The following GRM1 variants were observed in gnomAD, a reference collection of about 807,000 sequenced individuals.
GRM1 encodes the protein glutamate metabotropic receptor 1.
A neutral mutation model predicts 90.9 loss-of-function variants in GRM1; 33 were observed. That is an observed-to-expected ratio of 0.36 (90% CI 0.28 to 0.49). The LOEUF is 0.49. Among genes scored for constraint, GRM1 ranks in the 20% least tolerant of loss-of-function variants. The probability of loss-of-function intolerance (pLI) is 0.99; values close to 1 mark genes in which losing one functional copy is unlikely to be tolerated. For synonymous variants in GRM1, 700 were observed against 613.2 expected (o/e 1.14, Z -2.09); for missense variants, 1,190 against 1,534.3 (o/e 0.78, Z 3.75).
intron 1 of GRM1, among the ~76,000 whole-genome samples, chr6:146,127,999 G>T (rs1199540945): frequency 6.6e-6 from 1 of 152,130 alleles, no homozygotes; most frequent in Non-Finnish European, 1.5e-5. Context: ...GTTGACACTG[G>T]CCATCTGCTG....
intron 3 of GRM1, among the ~76,000 whole-genome samples, chr6:146,319,789 G>A (rs1313680287): frequency 6.6e-6 from 1 of 152,136 alleles, no homozygotes; most frequent in Non-Finnish European, 1.5e-5. Flanking sequence ...GTATAGTAAT[G>A]CTTGTGATTT....
intron 1 of GRM1, among the ~76,000 whole-genome samples, chr6:146,149,063 C>A (rs1777219236): frequency 6.6e-6 from 1 of 152,104 alleles, no homozygotes; most frequent in South Asian, 2.1e-4. Context: ...ACTTCTTTCT[C>A]CATTTCATAA....
At chr6:146,206,670 G>T (rs1274022993) in intron 2 of GRM1, among the ~76,000 whole-genome samples, 1 of 151,370 alleles carries the variant, frequency 6.6e-6, no homozygotes, top group Non-Finnish European at 1.5e-5. Flanking sequence ...TACATATGAA[G>T]GTTTGTTACA....
chr6:146,253,106 A>T (rs1781357058), intron 2 of GRM1, among the ~76,000 whole-genome samples: 1 of 152,162 alleles, frequency 6.6e-6, no homozygotes, highest in Non-Finnish European at 1.5e-5. Flanking sequence ...AAATATTAGA[A>T]TTTATTATTT....
intron 3 of GRM1, among the ~76,000 whole-genome samples, chr6:146,322,082 G>C (rs1046346196): frequency 1.3e-5 from 2 of 152,062 alleles, no homozygotes; most frequent in Non-Finnish European, 2.9e-5. Flanking sequence ...TGTGGTTTTG[G>C]TGTGGATGTT....
chr6:146,417,263 A>G (rs1018957845), intron 7 of GRM1, among the ~76,000 whole-genome samples: 1 of 152,106 alleles, frequency 6.6e-6, no homozygotes. Flanking sequence ...CAGCTTCTCA[A>G]TATCTTCCAG....
intron 3 of GRM1, among the ~76,000 whole-genome samples, chr6:146,306,241 C>A (rs1419901545): frequency 6.6e-6 from 1 of 152,226 alleles, no homozygotes; most frequent in Admixed American, 6.5e-5. Context: ...TTTCTACTTT[C>A]TCTGAAATAA....
chr6:146,382,904 C>A (rs964781231), intron 5 of GRM1, among the ~76,000 whole-genome samples: 6 of 152,064 alleles, frequency 3.9e-5, no homozygotes, highest in Non-Finnish European at 5.9e-5. Flanking sequence ...TTTGGATGAT[C>A]TTGGCAGCTG....
intron 7 of GRM1, among the ~76,000 whole-genome samples, chr6:146,428,651 G>A (rs374314507): frequency 6.6e-6 from 1 of 152,124 alleles, no homozygotes; most frequent in Non-Finnish European, 1.5e-5. Context: ...CGTAATTTAA[G>A]TTCATCTATA....
At chr6:146,392,058 C>G (rs1216825342) in intron 6 of GRM1, among the ~76,000 whole-genome samples, 1 of 152,098 alleles carries the variant, frequency 6.6e-6, no homozygotes, top group East Asian at 1.9e-4. Flanking sequence ...TAGTATCTGT[C>G]CTTGACTATT....
intron 2 of GRM1, among the ~76,000 whole-genome samples, chr6:146,259,312 A>G (rs1383867680): frequency 6.6e-6 from 1 of 152,178 alleles, no homozygotes; most frequent in Non-Finnish European, 1.5e-5. Flanking sequence ...TAATTGTGTA[A>G]GAATACTTAA....
chr6:146,379,811 G>A (rs1434223498), intron 5 of GRM1, among the ~76,000 whole-genome samples: 1 of 152,070 alleles, frequency 6.6e-6, no homozygotes, highest in Non-Finnish European at 1.5e-5. Context: ...TAACACTGTG[G>A]TTGTTGCAGA....
intron 3 of GRM1, among the ~76,000 whole-genome samples, chr6:146,351,626 A>G (rs953270736): frequency 2.0e-5 from 3 of 152,222 alleles, no homozygotes; most frequent in African/African-American, 7.2e-5. Context: ...ATTAATGTGT[A>G]GTGTGACTCT....
At chr6:146,245,812 T>G (rs1781040981) in intron 2 of GRM1, among the ~76,000 whole-genome samples, 1 of 152,212 alleles carries the variant, frequency 6.6e-6, no homozygotes, top group South Asian at 2.1e-4. Flanking sequence ...GAAAGAACTT[T>G]CATTTTCAAC....
chr6:146,063,101 T>C (rs1255807326), intron 1 of GRM1, among the ~76,000 whole-genome samples: 1 of 152,178 alleles, frequency 6.6e-6, no homozygotes, highest in Admixed American at 6.5e-5. Flanking sequence ...AGAGCTACCA[T>C]TGTCTGCTCC....
chr6:146,327,151 A>G (rs1003976518), intron 3 of GRM1, among the ~76,000 whole-genome samples: 2 of 152,184 alleles, frequency 1.3e-5, no homozygotes, highest in African/African-American at 4.8e-5. Flanking sequence ...ATTTTTATCT[A>G]ATGCCTTTTT....
chr6:146,085,617 C>A (rs922819508), intron 1 of GRM1, among the ~76,000 whole-genome samples: 7 of 151,978 alleles, frequency 4.6e-5, no homozygotes, highest in Non-Finnish European at 1.0e-4. Context: ...TAATTTAGAT[C>A]TCTTGACAAA....
chr6:146,096,698 A>C (rs957986450), intron 1 of GRM1, among the ~76,000 whole-genome samples: 2 of 152,138 alleles, frequency 1.3e-5, no homozygotes, highest in African/African-American at 4.8e-5. Context: ...GTGATATTAG[A>C]TGGGTGCTAA....
At chr6:146,122,146 T>G (rs1776014068) in intron 1 of GRM1, among the ~76,000 whole-genome samples, 1 of 152,212 alleles carries the variant, frequency 6.6e-6, no homozygotes, top group Non-Finnish European at 1.5e-5. Context: ...GATATATTTA[T>G]TTTTTAACTT....
Sources: gnomAD v4.1 joint callset for allele counts (sites outside exome capture counted in the v4.1 genomes callset) on GRCh38, gnomAD v4.1.1 for gene constraint, MANE v1.5 for transcripts, NCBI Gene and HGNC (gene_info 2026-07-23, HGNC 2026-07-21) for gene names.